The following PYY variants were observed in gnomAD, a reference collection of about 807,000 sequenced individuals.
PYY encodes peptide YY.
A neutral mutation model predicts 10.3 loss-of-function variants in PYY; 12 were observed. The observed-to-expected ratio is 1.17, with a 90% CI of 0.75 to 1.89. PYY has a LOEUF of 1.89. Among genes scored for constraint, PYY ranks in the 40% most tolerant of loss-of-function variants. The pLI, the probability that PYY is intolerant of heterozygous loss-of-function variation, is 0.00. For synonymous variants in PYY, 66 were observed against 62.0 expected (o/e 1.06, Z -0.30); for missense variants, 141 against 134.0 (o/e 1.05, Z -0.26).
chr17:44,001,793 C>A (rs1424121228), intron 1 of PYY, among the ~76,000 whole-genome samples: 1 of 152,148 alleles, frequency 6.6e-6, no homozygotes, highest in Non-Finnish European at 1.5e-5. Context: ...CAGTCCTGCC[C>A]TCAGGGAGCC....
chr17:43,980,446 G>A (rs545689436), intron 1 of PYY, among the ~76,000 whole-genome samples: 1 of 151,450 alleles, frequency 6.6e-6, no homozygotes, highest in South Asian at 2.1e-4. Context: ...TTACAGGAGT[G>A]AGCCACCATG....
chr17:43,988,679 A>G (rs564771795), intron 1 of PYY, among the ~76,000 whole-genome samples: 1 of 152,212 alleles, frequency 6.6e-6, no homozygotes, highest in Admixed American at 6.5e-5. Flanking sequence ...TATTTAACAC[A>G]AAGTAGAACT....
intron 1 of PYY, among the ~76,000 whole-genome samples, chr17:43,988,100 C>G (rs1731885): frequency 0.8 from 120,974 of 152,010 alleles, 50,157 homozygotes; most frequent in South Asian, 0.92. Context: ...GAAGGTGACC[C>G]GTGGGAGCCC....
At chr17:43,966,718 G>T (rs1182654759) in intron 1 of PYY, among the ~76,000 whole-genome samples, 1 of 152,146 alleles carries the variant, frequency 6.6e-6, no homozygotes, top group Non-Finnish European at 1.5e-5. Context: ...TGACTTATTT[G>T]TATGCTTGTT....
chr17:43,977,297 A>G (rs1204718119), intron 1 of PYY, among the ~76,000 whole-genome samples: 3 of 152,164 alleles, frequency 2.0e-5, no homozygotes, highest in Admixed American at 1.3e-4. Context: ...AGTCTGTGCC[A>G]TCTATCAGAG....
intron 1 of PYY, among the ~76,000 whole-genome samples, chr17:43,968,344 G>A (rs892771074): frequency 1.3e-5 from 2 of 152,012 alleles, no homozygotes; most frequent in Non-Finnish European, 2.9e-5. Flanking sequence ...AACTAAAGAA[G>A]AAATAACACT....
intron 2 of PYY, among the ~76,000 whole-genome samples, chr17:43,965,364 C>T (rs967547051): frequency 6.6e-6 from 1 of 150,980 alleles, no homozygotes; most frequent in Non-Finnish European, 1.5e-5. Flanking sequence ...GCCTATAATC[C>T]CAGCTACTCA....
chr17:43,975,728 ATATATAT>A (rs2048824926), intron 1 of PYY, among the ~76,000 whole-genome samples: 3 of 75,606 alleles, frequency 4.0e-5, no homozygotes, highest in African/African-American at 3.1e-4. Context: ...AAAAAAAAAT[ATATATAT>A]ATATATATAT....
upstream of PYY, among the ~76,000 whole-genome samples, chr17:43,956,804 CTCACTTTGA>C (rs1328961847): frequency 6.6e-6 from 1 of 152,216 alleles, no homozygotes; most frequent in African/African-American, 2.4e-5. Flanking sequence ...CACACAAGGC[CTCACTTTGA>C]TCACCATGCA....
At chr17:43,957,691 G>C (rs1271285027), upstream of PYY, among the ~76,000 whole-genome samples, 6 of 152,054 alleles carry the variant, frequency 3.9e-5, no homozygotes, top group Non-Finnish European at 7.4e-5. Context: ...AAATAAATAA[G>C]CATGGAATAT....
At chr17:43,971,250 G>A (rs566294904) in intron 1 of PYY, among the ~76,000 whole-genome samples, 1 of 152,002 alleles carries the variant, frequency 6.6e-6, no homozygotes, top group Non-Finnish European at 1.5e-5. Context: ...CTAATGTGTG[G>A]ATAGTGCAGC....
At chr17:43,975,299 G>T (rs2048821095) in intron 1 of PYY, among the ~76,000 whole-genome samples, 1 of 152,168 alleles carries the variant, frequency 6.6e-6, no homozygotes, top group Non-Finnish European at 1.5e-5. Context: ...TTCTGGGTTT[G>T]AATCCCACTC....
At chr17:43,977,474 T>C (rs1054361147) in intron 1 of PYY, among the ~76,000 whole-genome samples, 1 of 152,092 alleles carries the variant, frequency 6.6e-6, no homozygotes, top group Non-Finnish European at 1.5e-5. Flanking sequence ...CAAGGAGTCC[T>C]GCCCCAGCTG....
upstream of PYY, chr17:43,957,933 C>A (rs757253746): frequency 6.5e-6 from 1 of 154,666 alleles, no homozygotes; most frequent in Non-Finnish European, 1.5e-5. Flanking sequence ...AGCTCTCCCT[C>A]TTACCTGAAG....
At chr17:43,984,835 G>A (rs1165365875) in intron 1 of PYY, among the ~76,000 whole-genome samples, 4 of 152,182 alleles carry the variant, frequency 2.6e-5, no homozygotes, top group Non-Finnish European at 4.4e-5. Flanking sequence ...GGGCTTGAGC[G>A]GCTGATTAAA....
chr17:43,960,544 A>AAC (rs1476549139), intron 2 of PYY, among the ~76,000 whole-genome samples: 9 of 148,810 alleles, frequency 6.0e-5, no homozygotes, highest in South Asian at 4.3e-4. Flanking sequence ...AAAAAAAAAA[A>AAC]AAAAAAAAAA....
intron 1 of PYY, among the ~76,000 whole-genome samples, chr17:43,973,836 T>C (rs1379811718): frequency 6.6e-6 from 1 of 152,042 alleles, no homozygotes. Context: ...CAACAGACAA[T>C]CGCAAAAACA....
intron 2 of PYY, among the ~76,000 whole-genome samples, chr17:43,964,130 T>G (rs181189134): frequency 1.9e-4 from 29 of 152,338 alleles, no homozygotes; most frequent in Admixed American, 1.8e-3. Flanking sequence ...ATCAGCCTCC[T>G]GAGCAGCTGG....
intron 1 of PYY, among the ~76,000 whole-genome samples, chr17:43,996,240 T>C (rs2048991430): frequency 6.6e-6 from 1 of 152,154 alleles, no homozygotes; most frequent in Non-Finnish European, 1.5e-5. Context: ...CAAATCAGCC[T>C]GCCCAGAGAG....
Sources: gnomAD v4.1 joint callset for allele counts (sites outside exome capture counted in the v4.1 genomes callset) on GRCh38, gnomAD v4.1.1 for gene constraint, MANE v1.5 for transcripts, NCBI Gene and HGNC (gene_info 2026-07-23, HGNC 2026-07-21) for gene names.